RBFOX1: variants seen among roughly 807,000 people sequenced by gnomAD.
RBFOX1 encodes the protein RNA binding fox-1 homolog 1.
A neutral mutation model predicts 57.7 loss-of-function variants in RBFOX1; 8 were observed. The ratio of observed to expected loss-of-function variants is 0.14; its 90% CI spans 0.08 to 0.25. The LOEUF (loss-of-function observed/expected upper bound fraction) is 0.25, where lower values mean the gene tolerates loss of function less well. Ranked by LOEUF, RBFOX1 falls within the 10% of genes least tolerant of loss-of-function variation. The probability of loss-of-function intolerance (pLI) is 1.00; values close to 1 mark genes in which losing one functional copy is unlikely to be tolerated. For synonymous variants in RBFOX1, 326 were observed against 222.4 expected (o/e 1.47, Z -4.15); for missense variants, 611 against 548.5 (o/e 1.11, Z -1.14).
At chr16:6,966,483 C>A (rs900281133) in intron 3 of RBFOX1, among the ~76,000 whole-genome samples, 5 of 152,078 alleles carry the variant, frequency 3.3e-5, no homozygotes, top group African/African-American at 1.2e-4. Flanking sequence ...GGAGCATGAT[C>A]ACAGTAGCTT....
At chr16:7,254,135 C>T (rs1016864005) in intron 4 of RBFOX1, among the ~76,000 whole-genome samples, 1 of 152,096 alleles carries the variant, frequency 6.6e-6, no homozygotes, top group Admixed American at 6.5e-5. Flanking sequence ...AACCCTGTGA[C>T]CCCCTTGTTT....
intron 4 of RBFOX1, among the ~76,000 whole-genome samples, chr16:7,126,015 G>A (rs1368019883): frequency 2.6e-5 from 4 of 152,224 alleles, no homozygotes; most frequent in Middle Eastern, 3.4e-3. Context: ...CCTGGGAGGC[G>A]GAGGTTGCAG....
At chr16:6,332,868 G>T (rs1305088780) in intron 2 of RBFOX1, among the ~76,000 whole-genome samples, 1 of 152,120 alleles carries the variant, frequency 6.6e-6, no homozygotes, top group African/African-American at 2.4e-5. Context: ...CATTGATGAT[G>T]CCCATCTCTT....
At chr16:6,894,553 C>G (rs1361837682) in intron 3 of RBFOX1, among the ~76,000 whole-genome samples, 1 of 152,046 alleles carries the variant, frequency 6.6e-6, no homozygotes, top group Non-Finnish European at 1.5e-5. Context: ...AGTGTACCCC[C>G]AAAACAAGAA....
intron 3 of RBFOX1, among the ~76,000 whole-genome samples, chr16:5,659,042 C>T (rs936692208): frequency 6.6e-6 from 1 of 151,872 alleles, no homozygotes; most frequent in African/African-American, 2.4e-5. Flanking sequence ...ATTGCTGGAT[C>T]AAATGGTAGA....
intron 1 of RBFOX1, among the ~76,000 whole-genome samples, chr16:5,459,588 G>A (rs923616269): frequency 3.3e-5 from 5 of 151,922 alleles, no homozygotes; most frequent in Non-Finnish European, 5.9e-5. Flanking sequence ...ACTTTCTCAC[G>A]ATCCCCCAAT....
rs1044042683 is a variant in RBFOX1 at position 7,315,668 on chromosome 16, G to A, written c.28-202479G>A. 4.2e-3 allele frequency among the ~76,000 whole-genome samples: 608 copies of A among 144,358 alleles called. 2 individuals are homozygous for A. The highest frequency in any genetic ancestry group is 0.014 in the African/African-American group (565 of 39,124). 94.7% of individuals were successfully genotyped at this position (144,358 alleles called of 152,430 possible). ...ACAGAATATATATATATATATATATGGAACATTACACACACTTTTCATCAT... is the reference window on the plus strand; with the variant it reads ...ACAGAATATATATATATATATATATAGAACATTACACACACTTTTCATCAT... On this transcript the variant is annotated intron_variant, in intron 4 of 15. Transcript: ENST00000550418.
intron 2 of RBFOX1, among the ~76,000 whole-genome samples, chr16:5,545,739 T>C (rs1444788672): frequency 6.6e-6 from 1 of 152,168 alleles, no homozygotes. Context: ...CTTTCATACT[T>C]AATAGTGAAA....
intron 2 of RBFOX1, among the ~76,000 whole-genome samples, chr16:6,587,819 T>A (rs1423576453): frequency 6.6e-6 from 1 of 152,362 alleles, no homozygotes; most frequent in Admixed American, 6.5e-5. Flanking sequence ...ATTAACATTT[T>A]GTGACATTTA....
chr16:7,685,997 C>G (rs928741401), intron 14 of RBFOX1, among the ~76,000 whole-genome samples: 3 of 152,010 alleles, frequency 2.0e-5, no homozygotes, highest in African/African-American at 7.2e-5. Flanking sequence ...CAACATTGAG[C>G]TAGTTGACCC....
intron 3 of RBFOX1, among the ~76,000 whole-genome samples, chr16:7,034,190 T>C (rs2043602034): frequency 1.3e-5 from 2 of 152,168 alleles, no homozygotes; most frequent in Admixed American, 1.3e-4. Context: ...GACTCCTGGC[T>C]CTGGTTTTTC....
At chr16:6,763,303 C>T (rs1480751366) in intron 3 of RBFOX1, among the ~76,000 whole-genome samples, 2 of 147,504 alleles carry the variant, frequency 1.4e-5, no homozygotes, top group Non-Finnish European at 3.0e-5. Flanking sequence ...ATTGGAAAAA[C>T]CATTTACCAG....
intron 3 of RBFOX1, among the ~76,000 whole-genome samples, chr16:6,772,291 TGAC>T (rs2078422613): frequency 6.6e-6 from 1 of 152,188 alleles, no homozygotes; most frequent in African/African-American, 2.4e-5. Context: ...ATACAGTGCC[TGAC>T]CCTAGTACAG....
At chr16:6,930,483 C>T (rs549527251) in intron 3 of RBFOX1, among the ~76,000 whole-genome samples, 25 of 151,058 alleles carry the variant, frequency 1.7e-4, no homozygotes, top group African/African-American at 5.8e-4. Context: ...GATCTCGGCT[C>T]ACTACAACCT....
intron 4 of RBFOX1, among the ~76,000 whole-genome samples, chr16:7,487,983 A>C (rs2065867767): frequency 6.6e-6 from 1 of 152,102 alleles, no homozygotes; most frequent in South Asian, 2.1e-4. Flanking sequence ...TTTTCTAATT[A>C]ACTCTGGAGC....
chr16:6,159,755 G>T (rs765751558), intron 1 of RBFOX1, among the ~76,000 whole-genome samples: 1 of 152,174 alleles, frequency 6.6e-6, no homozygotes, highest in African/African-American at 2.4e-5. Context: ...ATTTCGCAGG[G>T]ATGTGATTTG....
rs112947438 is a variant in RBFOX1, at chr16:6,465,363, T to C, written c.-64+148306T>C. On this transcript the variant is annotated intron_variant, in intron 2 of 15. Transcript: ENST00000550418. ...GTACATACTCTTTATTTTGACAGTG[T>C]AGGGTAAACCTGTAAGAGTCAAGAA... 9.5e-4 allele frequency among the ~76,000 whole-genome samples: 145 copies of C among 152,318 alleles called. 1 individual carries two copies. Among genetic ancestry groups the C allele is most frequent in the African/African-American group, 3.2e-3 (133 of 41,566 alleles).
At chr16:7,657,493 T>A (rs2066601588) in intron 12 of RBFOX1, among the ~76,000 whole-genome samples, 1 of 152,170 alleles carries the variant, frequency 6.6e-6, no homozygotes. Flanking sequence ...TTAATAGAGA[T>A]GGGGTTTCAC....
At chr16:6,644,410 GT>G in intron 2 of RBFOX1, among the ~76,000 whole-genome samples, 1 of 152,300 alleles carries the variant, frequency 6.6e-6, no homozygotes, top group Non-Finnish European at 1.5e-5. Context: ...TTTATTTGCT[GT>G]TTAAGAAGGA....
Sources: allele counts gnomAD v4.1 joint callset (sites outside exome capture counted in the v4.1 genomes callset), GRCh38; gene constraint gnomAD v4.1.1; transcripts MANE v1.5; gene names NCBI Gene and HGNC (gene_info 2026-07-23, HGNC 2026-07-21).